Variants in PRIM2 observed in about 807,000 individuals in gnomAD.
The protein encoded by PRIM2 is DNA primase large subunit.
In PRIM2, 39 loss-of-function variants were observed where a neutral mutation model predicts 67.3. The ratio of observed to expected loss-of-function variants is 0.58; its 90% confidence interval spans 0.45 to 0.76. The LOEUF (loss-of-function observed/expected upper bound fraction) is 0.76, where lower values mean the gene tolerates loss of function less well. PRIM2 is among the 30% of genes least tolerant of loss of function. The probability of loss-of-function intolerance (pLI) is 0.00; values close to 1 mark genes in which losing one functional copy is unlikely to be tolerated. For synonymous variants in PRIM2, 143 were observed against 198.7 expected, an observed-to-expected ratio of 0.72 and a Z score of 2.36; for missense variants, 398 against 598.7, an observed-to-expected ratio of 0.66 and a Z score of 3.50.
intron 1 of PRIM2, 34 bp from the exon 2 acceptor site, chr6:57,318,403 A>G (rs1250384194): frequency 6.6e-7 from 1 of 1,518,296 alleles, no homozygotes. Flanking sequence ...TTTGTTTTCC[A>G]TCATTTTACG....
chr6:57,325,281 T>C (rs908462450), intron 4 of PRIM2, among the ~76,000 whole-genome samples: 1 of 148,932 alleles, frequency 6.7e-6, no homozygotes. Context: ...CATTTTCTTT[T>C]TTTTTTCTCT....
In PRIM2 at chr6:57,378,278, C is replaced by A. The variant is rs533365495; in HGVS notation, c.460-1623C>A. On this transcript the variant is annotated intron_variant, in intron 5 of 13. Coordinates refer to ENST00000615550, the MANE Select transcript of PRIM2 (RefSeq NM_000947.5). Reference sequence around the variant, plus strand: ...ATGGGGTCTCACCGTGTTGCCCAGGCTGGTCTCAAACTCCTGGATTCAAGT... The same window carrying A: ...ATGGGGTCTCACCGTGTTGCCCAGGATGGTCTCAAACTCCTGGATTCAAGT... Among the ~76,000 whole-genome samples the A allele has an allele frequency of 2.6e-5, 4 of 151,748 alleles. No individual in the cohort carries two copies. The South Asian group carries it at 8.3e-4, about 32-fold the overall frequency.
At chr6:57,381,958 T>C in intron 6 of PRIM2, 73 bp from the exon 7 acceptor site, 2 of 1,459,710 alleles carry the variant, frequency 1.4e-6, no homozygotes, top group Non-Finnish European at 1.8e-6. Flanking sequence ...TGTTTATACT[T>C]TATACATATG....
At chr6:57,275,758 A>T in the PRIM2 span, among the ~76,000 whole-genome samples, 1 of 151,994 alleles carries the variant, frequency 6.6e-6, no homozygotes, top group African/African-American at 2.4e-5. Context: ...GTGGCTGGAG[A>T]GTGCTGGCTC....
chr6:57,628,560 C>T (rs1322479901), intron 12 of PRIM2, among the ~76,000 whole-genome samples: 1 of 152,102 alleles, frequency 6.6e-6, no homozygotes, highest in Non-Finnish European at 1.5e-5. Flanking sequence ...TTGCATGATG[C>T]TGAGGCTTGG....
the PRIM2 span, among the ~76,000 whole-genome samples, chr6:57,304,731 G>C: frequency 6.6e-6 from 1 of 152,214 alleles, no homozygotes; most frequent in African/African-American, 2.4e-5. Context: ...CCCCTGGAAA[G>C]AAAGCAGTAG....
chr6:57,580,922 C>T (rs1776071873), intron 10 of PRIM2, among the ~76,000 whole-genome samples: 1 of 149,722 alleles, frequency 6.7e-6, no homozygotes, highest in South Asian at 2.1e-4. Context: ...GTAAAGTGGC[C>T]AGATAATGAG....
chr6:57,236,565 C>A, the PRIM2 span, among the ~76,000 whole-genome samples: 1 of 152,036 alleles, frequency 6.6e-6, no homozygotes, highest in East Asian at 1.9e-4. Flanking sequence ...TCCCTCCCCT[C>A]TCCCCCCACC....
At chr6:57,294,808 T>G in the PRIM2 span, among the ~76,000 whole-genome samples, 1 of 151,470 alleles carries the variant, frequency 6.6e-6, no homozygotes, top group Admixed American at 6.6e-5. Context: ...TTTACTCATT[T>G]TATGACTTTT....
chr6:57,606,098 C>T (rs1324933224), intron 11 of PRIM2, among the ~76,000 whole-genome samples: 2 of 152,150 alleles, frequency 1.3e-5, no homozygotes, highest in Non-Finnish European at 2.9e-5. Context: ...TAGCAAGGAG[C>T]ATAATTAAAG....
At chr6:57,355,283 A>G in intron 5 of PRIM2, among the ~76,000 whole-genome samples, 1 of 150,190 alleles carries the variant, frequency 6.7e-6, no homozygotes, top group African/African-American at 2.5e-5. Flanking sequence ...CAGCCTGGGT[A>G]ACAGCGAGAC....
chr6:57,272,572 C>G, the PRIM2 span, among the ~76,000 whole-genome samples: 2 of 152,128 alleles, frequency 1.3e-5, no homozygotes, highest in Non-Finnish European at 2.9e-5. Context: ...GTTCTTGACT[C>G]TTTATCCAAT....
chr6:57,257,321 G>T, the PRIM2 span, among the ~76,000 whole-genome samples: 1 of 150,492 alleles, frequency 6.6e-6, no homozygotes, highest in African/African-American at 2.5e-5. Context: ...GCCCAGGCTG[G>T]AGTGCAATGG....
At chr6:57,358,727 AAATT>A (rs758023339) in intron 5 of PRIM2, among the ~76,000 whole-genome samples, 172 of 152,344 alleles carry the variant, frequency 1.1e-3, no homozygotes, top group Non-Finnish European at 1.8e-3. Context: ...AGTACAGTAA[AAATT>A]AATTATTTTC....
chr6:57,280,386 C>CT, the PRIM2 span, among the ~76,000 whole-genome samples: 21,268 of 149,198 alleles, frequency 0.14, 1,633 homozygotes, highest in East Asian at 0.21. Flanking sequence ...ACTTTGTATT[C>CT]TTTTTTTTTT....
the PRIM2 span, among the ~76,000 whole-genome samples, chr6:57,241,896 TCTC>T: frequency 5.3e-5 from 8 of 152,068 alleles, no homozygotes; most frequent in South Asian, 2.1e-4. Flanking sequence ...ATGGTCTCGA[TCTC>T]CTGACCTCGT....
At chr6:57,255,294 C>G in the PRIM2 span, among the ~76,000 whole-genome samples, 1 of 152,014 alleles carries the variant, frequency 6.6e-6, no homozygotes, top group Non-Finnish European at 1.5e-5. Flanking sequence ...GTCAGGAGAT[C>G]AAGACCATCC....
intron 5 of PRIM2, among the ~76,000 whole-genome samples, chr6:57,329,620 G>A (rs1358062009): frequency 6.6e-6 from 1 of 151,932 alleles, no homozygotes; most frequent in African/African-American, 2.4e-5. Flanking sequence ...TTTATAAGGG[G>A]CCTCCCCCTT....
At chr6:57,279,723 A>G in the PRIM2 span, among the ~76,000 whole-genome samples, 2,477 of 152,350 alleles carry the variant, frequency 0.016, 53 homozygotes, top group African/African-American at 0.056. Context: ...AGCCTGGATA[A>G]TAACACAGAG....
Sources: gnomAD v4.1 joint callset for allele counts (sites outside exome capture counted in the v4.1 genomes callset) on GRCh38, gnomAD v4.1.1 for gene constraint, MANE v1.5 for transcripts, NCBI Gene and HGNC (gene_info 2026-07-23, HGNC 2026-07-21) for gene names.